DCAF5: variants seen among roughly 807,000 people sequenced by gnomAD.
DCAF5 encodes DDB1- and CUL4-associated factor 5.
In DCAF5, 9 loss-of-function variants were observed where a neutral mutation model predicts 80.7. The ratio of observed to expected loss-of-function variants is 0.11; its 90% confidence interval spans 0.07 to 0.19. The LOEUF (loss-of-function observed/expected upper bound fraction) is 0.19, where lower values mean the gene tolerates loss of function less well. Ranked by LOEUF, DCAF5 falls within the 10% of genes least tolerant of loss-of-function variation. The probability of loss-of-function intolerance (pLI) is 1.00; values close to 1 mark genes in which losing one functional copy is unlikely to be tolerated. For synonymous variants in DCAF5, 433 were observed against 461.9 expected (o/e 0.94, Z 0.80); for missense variants, 842 against 1,205.7 (o/e 0.70, Z 4.47).
In DCAF5 at chr14:69,053,778, C is replaced by T; in HGVS notation, c.*79G>A. On this transcript the variant is annotated 3_prime_UTR_variant, in exon 9 of 9. Transcript: ENST00000341516. The stretch of plus-strand genomic sequence containing the variant: ...CATGTGCCTTTAATACTTGTTTTTC[C>T]TTTCCTCTGTATTCACTAAACAATT... 1 of 1,392,242 alleles carries T rather than the reference C, an allele frequency of 7.2e-7. No individual in the cohort carries two copies. Among genetic ancestry groups the T allele is most frequent in the African/African-American group, 1.4e-5 (1 of 69,294 alleles). 86.2% of individuals were successfully genotyped at this position (1,392,242 alleles called of 1,614,324 possible).
rs2040593184 is a variant in DCAF5, at chr14:69,118,015, T to C, written c.535+124A>G. 2.9e-6 allele frequency: 4 copies of C among 1,363,330 alleles called. No homozygotes were observed. Among genetic ancestry groups the C allele is most frequent in the Non-Finnish European group, 4.1e-6 (4 of 975,702 alleles). The allele number at this position is 1,363,330 out of a possible 1,614,324, so 84.5% of individuals were successfully genotyped here. A position where few individuals can be genotyped will look rare whatever the true frequency, so the allele number is the denominator to read the frequency against. ...GACCTCTTATGCCCCCATGTGAGTG[T>C]TTCACATTTCCTTTCCCTTGACATC... is the stretch of plus-strand genomic sequence containing the variant. On this transcript the variant is annotated intron_variant, in intron 4 of 8. Coordinates refer to ENST00000341516, the MANE Select transcript of DCAF5 (RefSeq NM_003861.3). This position sits in a 1 kb window ranked among gnomAD's most constrained non-coding sequence, Gnocchi z 4.0.
chr14:69,095,248 TCAGAG>T (rs1221669179), intron 5 of DCAF5, among the ~76,000 whole-genome samples: 1 of 152,204 alleles, frequency 6.6e-6, no homozygotes, highest in Non-Finnish European at 1.5e-5. Context: ...CTCTACTCCT[TCAGAG>T]AAGTGGCCAC....
intron 1 of DCAF5, among the ~76,000 whole-genome samples, chr14:69,123,938 T>C (rs2140074812): frequency 6.6e-6 from 1 of 152,270 alleles, no homozygotes; most frequent in Middle Eastern, 3.4e-3. Context: ...GACCTCATGA[T>C]CCACCCACCT....
chr14:69,144,010 G>A (rs2041457272), intron 1 of DCAF5: 1 of 152,086 alleles, frequency 6.6e-6, no homozygotes, highest in Non-Finnish European at 1.5e-5. Context: ...CTAATGCATT[G>A]CCTGTTCTCT....
intron 1 of DCAF5, among the ~76,000 whole-genome samples, chr14:69,123,957 C>CA (rs2040803073): frequency 6.6e-6 from 1 of 152,164 alleles, no homozygotes; most frequent in Non-Finnish European, 1.5e-5. Flanking sequence ...CTCGGCCTCC[C>CA]AAAGTGCTGG....
chr14:69,144,993 C>T (rs1275415), intron 1 of DCAF5, among the ~76,000 whole-genome samples: 96,293 of 152,080 alleles, frequency 0.63, 31,399 homozygotes, highest in East Asian at 0.91. Flanking sequence ...CTTAATGCAG[C>T]ATTTCACAAG....
chr14:69,104,142 C>T (rs1397210605), intron 5 of DCAF5, among the ~76,000 whole-genome samples: 1 of 152,162 alleles, frequency 6.6e-6, no homozygotes, highest in Non-Finnish European at 1.5e-5. Context: ...ATATGGTAAG[C>T]TCATCTTTAA....
rs140882097 is a variant in DCAF5, at chr14:69,144,294, C to T, written c.214+8471G>A. 6.0e-3 allele frequency among the ~76,000 whole-genome samples: 915 copies of T among 151,614 alleles called. 23 individuals carry two copies. The highest frequency in any genetic ancestry group is 0.047 in the Admixed American group (715 of 15,240). ...TATTAAGATTAAAGGGGCACAAGGC[C>T]AGGCGCGGTGGCTCACGCCTGTAAT... is the stretch of plus-strand genomic sequence containing the variant. On this transcript the variant is annotated intron_variant, in intron 1 of 8. Transcript: ENST00000341516.
chr14:69,127,014 C>T (rs1022640104), intron 1 of DCAF5, among the ~76,000 whole-genome samples: 4 of 152,170 alleles, frequency 2.6e-5, no homozygotes, highest in Admixed American at 6.5e-5. Flanking sequence ...TGGAACAACA[C>T]GCAATCTCAT....
chr14:69,124,198 G>A (rs146034177), intron 1 of DCAF5, among the ~76,000 whole-genome samples: 152 of 152,078 alleles, frequency 1.0e-3, no homozygotes, highest in African/African-American at 3.4e-3. Flanking sequence ...ATATATATTT[G>A]TATGCATATT....
chr14:69,082,499 A>C (rs1055791085), intron 6 of DCAF5, among the ~76,000 whole-genome samples: 1 of 152,192 alleles, frequency 6.6e-6, no homozygotes, highest in Non-Finnish European at 1.5e-5. Flanking sequence ...AGCCAATAAC[A>C]GTCAAATAAT....
At position 69,053,337 on chromosome 14, in the gene DCAF5, T is replaced by C. The variant is rs1174532371; in HGVS notation, c.*520A>G. 1.3e-5 allele frequency: 2 copies of C among 152,700 alleles called. No individual in the cohort carries two copies. Among genetic ancestry groups the C allele is most frequent in the East Asian group, 1.9e-4 (1 of 5,212 alleles). The allele number at this position is 152,700 out of a possible 1,614,324, so 9.5% of individuals were successfully genotyped here. ...CCAATGGGCTGAAGGCCTGTTTCCA[T>C]TCTCCATTCTTCCAGCATAAATCTA... On this transcript the variant is annotated 3_prime_UTR_variant, in exon 9 of 9. Transcript: ENST00000341516.
intron 8 of DCAF5, 124 bp downstream of exon 8, chr14:69,062,260 A>G (rs2038243192): frequency 1.9e-6 from 2 of 1,075,102 alleles, no homozygotes; most frequent in Non-Finnish European, 1.3e-6. Flanking sequence ...ATATGTTAAA[A>G]TCTGAGAATT....
chr14:69,052,489 T>G lies in DCAF5; in HGVS notation c.*1368A>C, dbSNP rs887792450. 1.3e-5 allele frequency: 2 copies of G among 152,824 alleles called. No homozygotes were observed. Among genetic ancestry groups the G allele is most frequent in the Non-Finnish European group, 2.9e-5 (2 of 68,046 alleles). The allele number at this position is 152,824 out of a possible 1,614,324, so 9.5% of individuals were successfully genotyped here. ...CAGTATTCTGCCTTTTCATAACATT[T>G]ATGCCAACAAGATATCTGGTCATTC... On this transcript the variant is annotated 3_prime_UTR_variant, in exon 9 of 9. Transcript: ENST00000341516.
At chr14:69,140,625 A>G (rs1323425516) in intron 1 of DCAF5, among the ~76,000 whole-genome samples, 4 of 152,216 alleles carry the variant, frequency 2.6e-5, no homozygotes, top group Non-Finnish European at 5.9e-5. Context: ...AACCCATAGG[A>G]AGACTGTAAA....
chr14:69,144,648 G>A (rs1312945658), intron 1 of DCAF5, among the ~76,000 whole-genome samples: 1 of 152,150 alleles, frequency 6.6e-6, no homozygotes, highest in Non-Finnish European at 1.5e-5. Context: ...ACATACTTAA[G>A]TAAAACAAGT....
intron 7 of DCAF5, among the ~76,000 whole-genome samples, chr14:69,073,920 C>T (rs2038801406): frequency 6.6e-6 from 1 of 152,216 alleles, no homozygotes; most frequent in Non-Finnish European, 1.5e-5. Context: ...TATCCACAAC[C>T]ACCTCAAGTG....
intron 1 of DCAF5, among the ~76,000 whole-genome samples, chr14:69,140,262 G>A (rs965029281): frequency 6.0e-5 from 9 of 150,798 alleles, no homozygotes; most frequent in Non-Finnish European, 8.9e-5. Context: ...ATGAGACTCT[G>A]TCTAAAAAAA....
intron 7 of DCAF5, among the ~76,000 whole-genome samples, chr14:69,065,850 G>C (rs1052462800): frequency 5.3e-5 from 8 of 152,164 alleles, no homozygotes; most frequent in African/African-American, 1.9e-4. Context: ...AAGGAGACAG[G>C]AAGGGCATAT....
Sources: gnomAD v4.1 joint callset for allele counts (sites outside exome capture counted in the v4.1 genomes callset) on GRCh38, gnomAD v4.1.1 for gene constraint, Gnocchi (gnomAD v3.1) non-coding constraint, MANE v1.5 for transcripts, NCBI Gene and HGNC (gene_info 2026-07-23, HGNC 2026-07-21) for gene names.